Variants in TRHDE observed in about 807,000 individuals in gnomAD.
The protein encoded by TRHDE is thyrotropin-releasing hormone-degrading ectoenzyme.
TRHDE carries 72 observed loss-of-function variants against 125.7 expected under a neutral mutation model. The ratio of observed to expected loss-of-function variants is 0.57; its 90% CI spans 0.47 to 0.70. TRHDE has a LOEUF of 0.70. Among genes scored for constraint, TRHDE ranks in the 30% least tolerant of loss-of-function variants. TRHDE has a pLI of 0.00. For missense variants in TRHDE, 1,110 were observed against 1,327.1 expected (o/e 0.84, Z 2.54); for synonymous variants, 509 against 509.1 (o/e 1.00, Z 0.00).
intron 2 of TRHDE, among the ~76,000 whole-genome samples, chr12:72,304,495 A>G (rs759052622): frequency 6.6e-6 from 1 of 152,180 alleles, no homozygotes; most frequent in Non-Finnish European, 1.5e-5. Flanking sequence ...CAAGCTTCAC[A>G]GGAAATCTGA....
chr12:72,212,381 CA>C (rs1331988142), intron 2 of TRHDE, among the ~76,000 whole-genome samples: 2 of 151,810 alleles, frequency 1.3e-5, no homozygotes, highest in Non-Finnish European at 1.5e-5. Context: ...GAACTTCATT[CA>C]AAGTGAAACA....
chr12:72,230,066 T>C (rs1878216854), intron 2 of TRHDE, among the ~76,000 whole-genome samples: 1 of 152,202 alleles, frequency 6.6e-6, no homozygotes, highest in Non-Finnish European at 1.5e-5. Flanking sequence ...GTTTTGTTCC[T>C]ACAAAACTCC....
chr12:72,557,944 A>G (rs1869997304), intron 7 of TRHDE, among the ~76,000 whole-genome samples: 1 of 149,952 alleles, frequency 6.7e-6, no homozygotes, highest in Non-Finnish European at 1.5e-5. Flanking sequence ...CAAATATTGC[A>G]AAAAGAAAGA....
chr12:72,391,382 G>A (rs1872605194), intron 3 of TRHDE, among the ~76,000 whole-genome samples: 1 of 152,172 alleles, frequency 6.6e-6, no homozygotes, highest in Admixed American at 6.5e-5. Context: ...AGCCTTCAGG[G>A]CATCGCTGAA....
Position 72,621,178 on chromosome 12 carries a change from C to T in TRHDE, c.2540C>T (p.Ser847Phe), listed in dbSNP as rs1873037623. The T allele has an allele frequency of 1.2e-6, 2 of 1,611,682 alleles. No homozygotes were observed. The highest frequency in any genetic ancestry group is 1.7e-5 in the Admixed American group (1 of 59,820). Reference protein sequence around the residue: ...LGWPKNNFNGSLVQASYQHEE... With the variant: ...LGWPKNNFNGFLVQASYQHEE... ...TGGCCGAAAAATAATTTTAATGGATCTCTTGTTCAAGCATCCTACCAACAT... is the reference window on the plus strand; with the variant it reads ...TGGCCGAAAAATAATTTTAATGGATTTCTTGTTCAAGCATCCTACCAACAT... Residue 847 changes from serine to phenylalanine, a missense_variant, in exon 14 of 19, where the codon TCT becomes TTT. Ser to Phe is a radical substitution (Grantham distance 155, BLOSUM62 -2). Coordinates refer to ENST00000261180, the MANE Select transcript of TRHDE (RefSeq NM_013381.3).
chr12:72,620,992 G>A (rs1223259373), intron 13 of TRHDE, 116 bp from the exon 14 acceptor site: 2 of 524,076 alleles, frequency 3.8e-6, no homozygotes, highest in Admixed American at 6.7e-5. Flanking sequence ...TAATTTTATG[G>A]ATATTTGAAA....
At chr12:72,231,171 C>A (rs1878239044) in intron 2 of TRHDE, among the ~76,000 whole-genome samples, 1 of 151,814 alleles carries the variant, frequency 6.6e-6, no homozygotes, top group Admixed American at 6.6e-5. Context: ...TATGTTACAA[C>A]CAAGGACAGG....
chr12:72,239,986 G>T (rs1005846236), intron 2 of TRHDE, among the ~76,000 whole-genome samples: 1 of 152,146 alleles, frequency 6.6e-6, no homozygotes, highest in Non-Finnish European at 1.5e-5. Context: ...ATTAGGCATA[G>T]AATTTTTGTA....
intron 5 of TRHDE, among the ~76,000 whole-genome samples, chr12:72,476,343 A>G (rs1289438707): frequency 3.9e-5 from 6 of 152,232 alleles, no homozygotes; most frequent in Non-Finnish European, 2.9e-5. Flanking sequence ...CCCTCCATAT[A>G]TAATTAATAC....
intron 2 of TRHDE, among the ~76,000 whole-genome samples, chr12:72,307,364 TG>T (rs1041821857): frequency 2.0e-5 from 3 of 147,684 alleles, no homozygotes; most frequent in African/African-American, 7.5e-5. Context: ...TTAGTAGAGA[TG>T]GGGTTTTTCC....
At chr12:72,650,914 C>A (rs1163405570) in intron 15 of TRHDE, among the ~76,000 whole-genome samples, 1 of 152,058 alleles carries the variant, frequency 6.6e-6, no homozygotes, top group African/African-American at 2.4e-5. Flanking sequence ...CAGGGATGCC[C>A]TGTGTCAAGC....
intron 5 of TRHDE, among the ~76,000 whole-genome samples, chr12:72,499,040 A>G (rs1878036682): frequency 6.6e-6 from 1 of 151,846 alleles, no homozygotes; most frequent in South Asian, 2.1e-4. Flanking sequence ...AGGACAGGGA[A>G]AAAAAGAGCT....
chr12:72,611,893 C>G (rs528434946), intron 12 of TRHDE, among the ~76,000 whole-genome samples: 67 of 152,280 alleles, frequency 4.4e-4, no homozygotes, highest in African/African-American at 1.6e-3. Flanking sequence ...TATACAATAT[C>G]TTCTCTATCG....
chr12:72,525,673 G>C (rs2367751), intron 6 of TRHDE, among the ~76,000 whole-genome samples: 1 of 149,284 alleles, frequency 6.7e-6, no homozygotes, highest in Non-Finnish European at 1.5e-5. Context: ...GTGATTTTTC[G>C]GCTATTCACT....
chr12:72,136,993 T>C (rs1247254068), intron 2 of TRHDE, among the ~76,000 whole-genome samples: 1 of 152,202 alleles, frequency 6.6e-6, no homozygotes, highest in Admixed American at 6.5e-5. Flanking sequence ...TGTTATCCAC[T>C]GTGACATCAT....
intron 2 of TRHDE, among the ~76,000 whole-genome samples, chr12:72,319,661 C>T (rs1347231619): frequency 6.6e-6 from 1 of 152,112 alleles, no homozygotes; most frequent in African/African-American, 2.4e-5. Flanking sequence ...ATTATTTTGG[C>T]TCTTTGCAGG....
chr12:72,161,379 A>C (rs1592464517), intron 2 of TRHDE, among the ~76,000 whole-genome samples: 1 of 151,080 alleles, frequency 6.6e-6, no homozygotes, highest in African/African-American at 2.4e-5. Context: ...GTTGCAGTGA[A>C]CTGAGATCTC....
intron 12 of TRHDE, among the ~76,000 whole-genome samples, chr12:72,589,720 C>A (rs1354826370): frequency 1.3e-5 from 2 of 152,012 alleles, no homozygotes; most frequent in Non-Finnish European, 2.9e-5. Context: ...TCTTATTATT[C>A]TTATAATGTC....
intron 12 of TRHDE, among the ~76,000 whole-genome samples, chr12:72,590,406 T>A (rs1329346921): frequency 6.6e-6 from 1 of 152,082 alleles, no homozygotes; most frequent in Non-Finnish European, 1.5e-5. Context: ...ATATTTTGAC[T>A]AGTATTATAA....
Sources: gnomAD v4.1 joint callset for allele counts (sites outside exome capture counted in the v4.1 genomes callset) on GRCh38, gnomAD v4.1.1 for gene constraint, MANE v1.5 for transcripts, NCBI Gene and HGNC (gene_info 2026-07-23, HGNC 2026-07-21) for gene names.